The following TRDN variants were observed in gnomAD, a reference collection of about 807,000 sequenced individuals.
TRDN encodes triadin, also known as triadin in skeletal muscle.
In TRDN, 161 loss-of-function variants were observed where a neutral mutation model predicts 149.7. The observed-to-expected ratio is 1.08, with a 90% confidence interval of 0.95 to 1.23. TRDN has a LOEUF of 1.23. Ranked by LOEUF, TRDN falls within the 50% of genes most tolerant of loss-of-function variation. TRDN has a pLI of 0.00. For missense variants in TRDN, 896 were observed against 823.5 expected (o/e 1.09, Z -1.08); for synonymous variants, 294 against 250.5 (o/e 1.17, Z -1.64).
At chr6:123,628,903 G>T (rs899892297) in intron 1 of TRDN, among the ~76,000 whole-genome samples, 1 of 151,974 alleles carries the variant, frequency 6.6e-6, no homozygotes, top group African/African-American at 2.4e-5. Context: ...TAATACCATA[G>T]AATCTAAAAT....
At chr6:123,235,122 T>C (rs894565693) in intron 38 of TRDN, among the ~76,000 whole-genome samples, 4 of 151,924 alleles carry the variant, frequency 2.6e-5, no homozygotes, top group East Asian at 1.9e-4. Context: ...TTGAGACAAA[T>C]GAATAGTCAA....
At chr6:123,322,244 T>C (rs142030328) in intron 23 of TRDN, among the ~76,000 whole-genome samples, 182 of 152,308 alleles carry the variant, frequency 1.2e-3, no homozygotes, top group African/African-American at 4.1e-3. Context: ...ACTTCATTCA[T>C]GTCAAGGAGT....
At chr6:123,435,655 C>A (rs944187707) in intron 12 of TRDN, among the ~76,000 whole-genome samples, 1 of 151,928 alleles carries the variant, frequency 6.6e-6, no homozygotes, top group East Asian at 1.9e-4. Flanking sequence ...TTGGAAAAAT[C>A]AATGGAATTT....
chr6:123,292,157 A>T (rs1778032513), intron 24 of TRDN, among the ~76,000 whole-genome samples: 2 of 152,274 alleles, frequency 1.3e-5, no homozygotes, highest in African/African-American at 4.8e-5. Context: ...GGTGTGCTAG[A>T]GGCAGCATCA....
chr6:123,405,843 G>C (rs1212894173), intron 12 of TRDN, among the ~76,000 whole-genome samples: 2 of 151,952 alleles, frequency 1.3e-5, no homozygotes, highest in Admixed American at 1.3e-4. Flanking sequence ...AATACTTCAA[G>C]TACTACAAGC....
At chr6:123,393,110 A>AC (rs1772569894) in intron 13 of TRDN, among the ~76,000 whole-genome samples, 1 of 152,014 alleles carries the variant, frequency 6.6e-6, no homozygotes, top group African/African-American at 2.4e-5. Flanking sequence ...TATCCTGAAG[A>AC]TATTTGTAAA....
chr6:123,583,885 G>A (rs375985259), intron 1 of TRDN: 66 of 247,030 alleles, frequency 2.7e-4, no homozygotes, highest in East Asian at 2.5e-3. Context: ...CCTGAGGAGT[G>A]GTAGAATAGT....
At chr6:123,317,952 T>C (rs1310091391) in intron 23 of TRDN, among the ~76,000 whole-genome samples, 1 of 152,022 alleles carries the variant, frequency 6.6e-6, no homozygotes, top group Non-Finnish European at 1.5e-5. Flanking sequence ...TGCATTTATA[T>C]TTTATTTTAG....
At chr6:123,605,846 A>G (rs563519807) in intron 1 of TRDN, among the ~76,000 whole-genome samples, 1 of 152,264 alleles carries the variant, frequency 6.6e-6, no homozygotes, top group South Asian at 2.1e-4. Flanking sequence ...CCATAGTTTA[A>G]TTAACTTTTA....
At chr6:123,619,174 G>T (rs1416782153) in intron 1 of TRDN, among the ~76,000 whole-genome samples, 1 of 152,130 alleles carries the variant, frequency 6.6e-6, no homozygotes, top group African/African-American at 2.4e-5. Flanking sequence ...ATTATCTGTA[G>T]CTGCATAATA....
intron 10 of TRDN, among the ~76,000 whole-genome samples, chr6:123,447,482 G>C (rs1033006387): frequency 6.6e-6 from 1 of 152,132 alleles, no homozygotes; most frequent in African/African-American, 2.4e-5. Flanking sequence ...ACTCCTGGGG[G>C]TTGTAACCTC....
intron 1 of TRDN, among the ~76,000 whole-genome samples, chr6:123,576,667 G>A (rs1395372053): frequency 6.6e-6 from 1 of 151,802 alleles, no homozygotes; most frequent in East Asian, 1.9e-4. Context: ...AACTCCTAAT[G>A]CCATCACCTT....
At chr6:123,533,983 T>C (rs1453563711) in intron 4 of TRDN, among the ~76,000 whole-genome samples, 1 of 152,124 alleles carries the variant, frequency 6.6e-6, no homozygotes, top group African/African-American at 2.4e-5. Context: ...CTTAGATCAG[T>C]CTCACAGGGA....
rs1775023685 is a variant in TRDN at position 123,218,523 on chromosome 6, T to C, written c.*78A>G. 1 of 1,499,554 alleles carries C rather than the reference T, an allele frequency of 6.7e-7. No individual in the cohort carries two copies. Among genetic ancestry groups the C allele is most frequent in the African/African-American group, 1.4e-5 (1 of 71,082 alleles). 92.9% of individuals were successfully genotyped at this position (1,499,554 alleles called of 1,614,324 possible). The stretch of plus-strand genomic sequence containing the variant: ...CAGAAATTCTCTGGGTTGCATATTC[T>C]TAATTGCCTGAACTACTGTGGACAA... On this transcript the variant is annotated 3_prime_UTR_variant, in exon 41 of 41. Transcript: ENST00000334268.
At chr6:123,622,316 C>T (rs59887617) in intron 1 of TRDN, among the ~76,000 whole-genome samples, 92 of 112,972 alleles carry the variant, frequency 8.1e-4, no homozygotes, top group Admixed American at 5.0e-3. Context: ...TATATATATA[C>T]AGACACACAC....
At chr6:123,381,581 G>C (rs1456547740) in intron 15 of TRDN, among the ~76,000 whole-genome samples, 191 bp from the exon 16 acceptor site, 1 of 151,566 alleles carries the variant, frequency 6.6e-6, no homozygotes, top group Non-Finnish European at 1.5e-5. Flanking sequence ...TCCATAATTT[G>C]ATTGGCAAAT....
intron 33 of TRDN, among the ~76,000 whole-genome samples, chr6:123,262,878 C>G (rs540656866): frequency 1.8e-4 from 27 of 152,140 alleles, no homozygotes; most frequent in Non-Finnish European, 3.5e-4. Flanking sequence ...TGTATTGAGA[C>G]TCTCATTCAC....
chr6:123,572,644 GTAAT>G (rs1165738657), intron 1 of TRDN, among the ~76,000 whole-genome samples: 4 of 152,036 alleles, frequency 2.6e-5, no homozygotes, highest in Non-Finnish European at 5.9e-5. Flanking sequence ...TGTGAAGTAA[GTAAT>G]TGAATACTTA....
At chr6:123,308,802 C>G (rs1778709252) in intron 24 of TRDN, among the ~76,000 whole-genome samples, 1 of 151,952 alleles carries the variant, frequency 6.6e-6, no homozygotes, top group Admixed American at 6.6e-5. Context: ...TAACACAGTA[C>G]AGAGAGAATG....
Sources: allele counts gnomAD v4.1 joint callset (sites outside exome capture counted in the v4.1 genomes callset), GRCh38; gene constraint gnomAD v4.1.1; transcripts MANE v1.5; gene names NCBI Gene and HGNC (gene_info 2026-07-23, HGNC 2026-07-21).